Variants in EPB41L4A observed in about 807,000 individuals in gnomAD.
EPB41L4A encodes erythrocyte membrane protein band 4.1 like 4A, also known as band 4.1-like protein 4A.
A neutral mutation model predicts 108.6 loss-of-function variants in EPB41L4A; 100 were observed. That is an observed-to-expected ratio of 0.92 (90% CI 0.78 to 1.09). The LOEUF is 1.09. EPB41L4A is among the 50% of genes least tolerant of loss of function. The pLI is 0.00. For synonymous variants in EPB41L4A, 319 were observed against 289.0 expected (o/e 1.10, Z -1.05); for missense variants, 1,030 against 842.7 (o/e 1.22, Z -2.75).
chr5:112,312,585 C>A (rs753854819), intron 1 of EPB41L4A, among the ~76,000 whole-genome samples: 4 of 152,190 alleles, frequency 2.6e-5, no homozygotes, highest in Non-Finnish European at 4.4e-5. Context: ...CAAATACACA[C>A]ATGAAAACCT....
chr5:112,313,597 C>CA (rs973340587), intron 1 of EPB41L4A, among the ~76,000 whole-genome samples: 7 of 151,882 alleles, frequency 4.6e-5, no homozygotes, highest in African/African-American at 1.2e-4. Context: ...TCTCAAAAAA[C>CA]AAAAAAATCC....
chr5:112,364,586 G>A lies in EPB41L4A; in HGVS notation c.99+54355C>T, dbSNP rs372913160. 9.2e-5 allele frequency among the ~76,000 whole-genome samples: 14 copies of A among 152,256 alleles called. No homozygotes were observed. The South Asian group carries it at 2.7e-3, about 29-fold the overall frequency. On this transcript the variant is annotated intron_variant, in intron 1 of 22. Coordinates refer to ENST00000261486, the MANE Select transcript of EPB41L4A (RefSeq NM_022140.5). ...GGGCAAGGGGGCTTTCTTATTTCAT[G>A]AGTGTTTCACTCAAAAGAAAATCAT...
At chr5:112,371,378 G>A (rs1230750933) in intron 1 of EPB41L4A, among the ~76,000 whole-genome samples, 1 of 152,074 alleles carries the variant, frequency 6.6e-6, no homozygotes, top group African/African-American at 2.4e-5. Flanking sequence ...TACTGGACAG[G>A]CCCCACCATC....
chr5:112,145,151 G>T (rs553297889), intron 13 of EPB41L4A, among the ~76,000 whole-genome samples: 2 of 152,118 alleles, frequency 1.3e-5, no homozygotes, highest in African/African-American at 4.8e-5. Context: ...TTAGCCAGGC[G>T]TGGTGGCACA....
At chr5:112,253,409 A>T (rs2150416055) in intron 9 of EPB41L4A, among the ~76,000 whole-genome samples, 1 of 152,292 alleles carries the variant, frequency 6.6e-6, no homozygotes, top group South Asian at 2.1e-4. Flanking sequence ...TTAAAATGTC[A>T]ATTTTATAAA....
intron 20 of EPB41L4A, chr5:112,170,008 C>A: frequency 2.9e-6 from 1 of 345,260 alleles, no homozygotes. Context: ...GGATAAAAAA[C>A]TTTATCAGTG....
At chr5:112,270,367 T>C (rs114137709) in intron 4 of EPB41L4A, among the ~76,000 whole-genome samples, 2,485 of 152,252 alleles carry the variant, frequency 0.016, 61 homozygotes, top group African/African-American at 0.056. Flanking sequence ...ATCGTTACCT[T>C]CATCCCACAA....
chr5:112,272,220 C>T (rs561801243), intron 4 of EPB41L4A, among the ~76,000 whole-genome samples: 27 of 150,532 alleles, frequency 1.8e-4, no homozygotes, highest in African/African-American at 4.6e-4. Flanking sequence ...CTGCAACCTC[C>T]GCCTCCCGGG....
intron 1 of EPB41L4A, among the ~76,000 whole-genome samples, chr5:112,312,286 C>A (rs529916286): frequency 1.1e-3 from 166 of 152,288 alleles, no homozygotes; most frequent in Non-Finnish European, 2.1e-3. Flanking sequence ...TGATCATTCC[C>A]AAACTACCAG....
chr5:112,164,816 A>T lies in EPB41L4A; in HGVS notation c.*174T>A. The T allele has an allele frequency of 1.6e-6, 1 of 614,770 alleles. No individual in the cohort carries two copies. The highest frequency in any genetic ancestry group is 2.5e-6 in the Non-Finnish European group (1 of 398,168). 38.1% of individuals were successfully genotyped at this position (614,770 alleles called of 1,614,324 possible). On this transcript the variant is annotated 3_prime_UTR_variant, in exon 23 of 23. Coordinates refer to ENST00000261486, the MANE Select transcript of EPB41L4A (RefSeq NM_022140.5). ...GCCGCTGCACTCCAGCCTGGGCGAC[A>T]GAGTGATAACATCTCAAAAAAAAAA...
intron 1 of EPB41L4A, among the ~76,000 whole-genome samples, chr5:112,335,901 T>C: frequency 6.6e-6 from 1 of 152,310 alleles, no homozygotes. Context: ...GTCCAGCCAC[T>C]CTGGACTTCT....
intron 13 of EPB41L4A, among the ~76,000 whole-genome samples, chr5:112,144,335 A>T (rs1323492260): frequency 1.3e-5 from 2 of 152,128 alleles, no homozygotes; most frequent in Non-Finnish European, 2.9e-5. Flanking sequence ...TCCAGACTGG[A>T]GTACAGTGGT....
At chr5:112,159,176 T>A (rs66669542), downstream of EPB41L4A, among the ~76,000 whole-genome samples, 29,532 of 152,164 alleles carry the variant, frequency 0.19, 3,043 homozygotes, top group Non-Finnish European at 0.23. Context: ...TTTCTTTTTT[T>A]TTTAAACCAC....
intron 1 of EPB41L4A, among the ~76,000 whole-genome samples, chr5:112,405,816 C>G (rs1524423): frequency 0.09 from 13,755 of 152,206 alleles, 1,999 homozygotes; most frequent in African/African-American, 0.3. Context: ...TATAAATTGT[C>G]TCATATCATA....
chr5:112,382,050 C>T (rs568932578), intron 1 of EPB41L4A, among the ~76,000 whole-genome samples: 107 of 152,272 alleles, frequency 7.0e-4, no homozygotes, highest in Middle Eastern at 6.8e-3. Flanking sequence ...ATTTATAATA[C>T]GGCAGTGCAC....
intron 12 of EPB41L4A, among the ~76,000 whole-genome samples, chr5:112,222,135 A>T (rs964223717): frequency 5.3e-5 from 8 of 152,244 alleles, no homozygotes; most frequent in African/African-American, 1.9e-4. Context: ...TTAAAGTAAA[A>T]GTAGGCTGAC....
chr5:112,272,688 G>A (rs1752346643), intron 4 of EPB41L4A, among the ~76,000 whole-genome samples: 1 of 148,000 alleles, frequency 6.8e-6, no homozygotes. Context: ...GGCTAAGGCA[G>A]GAGAATCACT....
Position 112,234,737 on chromosome 5 carries a change from T to A in EPB41L4A, c.984A>T (p.Gln328His). ...KHRYSGRTAL[Q>H]MSRDLSIQLP... ...GCTGAATAGAAAGATCTCGGCTCAT[T>A]TGCAAAGCTGTCCTGCCACTTGAGA... Residue 328 changes from glutamine (Q) to histidine (H), a missense_variant, in exon 12 of 23, where the codon CAA becomes CAT. Transcript: ENST00000261486. 1 of 1,611,414 alleles carries A rather than the reference T, an allele frequency of 6.2e-7. No individual in the cohort carries two copies. Among genetic ancestry groups the A allele is most frequent in the Non-Finnish European group, 8.5e-7 (1 of 1,178,214 alleles).
At chr5:112,393,349 C>T (rs1761080647) in intron 1 of EPB41L4A, among the ~76,000 whole-genome samples, 1 of 151,812 alleles carries the variant, frequency 6.6e-6, no homozygotes, top group Admixed American at 6.6e-5. Flanking sequence ...GCTAGCAAGA[C>T]TAATAAAGAA....
Sources: allele counts gnomAD v4.1 joint callset (sites outside exome capture counted in the v4.1 genomes callset), GRCh38; gene constraint gnomAD v4.1.1; transcripts MANE v1.5; gene names NCBI Gene and HGNC (gene_info 2026-07-23, HGNC 2026-07-21).